The following PLD5 variants were observed in gnomAD, a reference collection of about 807,000 sequenced individuals.
The protein encoded by PLD5 is phospholipase D family member 5, also known as inactive phospholipase D5.
A neutral mutation model predicts 61.1 loss-of-function variants in PLD5; 36 were observed. The ratio of observed to expected loss-of-function variants is 0.59; its 90% CI spans 0.45 to 0.78. PLD5 has a LOEUF of 0.78. PLD5 is among the 30% of genes least tolerant of loss of function. PLD5 has a pLI of 0.00. For synonymous variants in PLD5, 243 were observed against 242.8 expected, an observed-to-expected ratio of 1.00 and a Z score of -0.01; for missense variants, 515 against 644.4, an observed-to-expected ratio of 0.80 and a Z score of 2.17.
At chr1:242,400,927 A>G (rs943819343) in intron 1 of PLD5, among the ~76,000 whole-genome samples, 3 of 152,190 alleles carry the variant, frequency 2.0e-5, no homozygotes, top group Non-Finnish European at 2.9e-5. Flanking sequence ...AGCTTTAAGT[A>G]TCACCCACAT....
rs1665815416 is a variant in PLD5, at chr1:242,433,236, T to C, written c.190-84994A>G. 2.0e-5 allele frequency among the ~76,000 whole-genome samples: 3 copies of C among 152,328 alleles called. No individual in the cohort carries two copies. The South Asian group carries it at 6.2e-4, about 32-fold the overall frequency. ...GTAAAATTTTCTTAAAATTGTTCAG[T>C]TGGTTTGTTTTGGGGGAAGATGTTC... On this transcript the variant is annotated intron_variant, in intron 1 of 9. Transcript: ENST00000536534.
At chr1:242,381,293 C>T (rs1662261223) in intron 1 of PLD5, among the ~76,000 whole-genome samples, 1 of 152,098 alleles carries the variant, frequency 6.6e-6, no homozygotes. Flanking sequence ...CAAACTAACT[C>T]AGGAAAAGAA....
chr1:242,317,330 C>T (rs1458347558), intron 2 of PLD5, among the ~76,000 whole-genome samples: 1 of 152,162 alleles, frequency 6.6e-6, no homozygotes, highest in Non-Finnish European at 1.5e-5. Context: ...TATTGATGAA[C>T]ATTTAGGTTG....
intron 4 of PLD5, among the ~76,000 whole-genome samples, chr1:242,262,695 G>A (rs767048559): frequency 9.9e-5 from 15 of 152,120 alleles, no homozygotes; most frequent in South Asian, 6.2e-4. Flanking sequence ...TAGATGTGGC[G>A]TACGAGAGCG....
intron 5 of PLD5, among the ~76,000 whole-genome samples, chr1:242,179,816 T>C (rs1400699253): frequency 1.3e-5 from 2 of 152,148 alleles, no homozygotes; most frequent in African/African-American, 4.8e-5. Flanking sequence ...GGTAGGAGAA[T>C]TGCTTGAAGC....
intron 1 of PLD5, among the ~76,000 whole-genome samples, chr1:242,391,313 T>C (rs1172943043): frequency 6.6e-6 from 1 of 152,204 alleles, no homozygotes; most frequent in Non-Finnish European, 1.5e-5. Flanking sequence ...TGGGAGTTCA[T>C]TACAATACAG....
chr1:242,280,690 T>A (rs1674673555), intron 3 of PLD5, among the ~76,000 whole-genome samples: 1 of 152,218 alleles, frequency 6.6e-6, no homozygotes, highest in Non-Finnish European at 1.5e-5. Flanking sequence ...CCAATCTTTT[T>A]CCAGGCAAAA....
intron 5 of PLD5, among the ~76,000 whole-genome samples, 154 bp downstream of exon 5, chr1:242,219,834 C>A (rs529636845): frequency 6.6e-6 from 1 of 151,390 alleles, no homozygotes; most frequent in Non-Finnish European, 1.5e-5. Context: ...AAGGTTTATC[C>A]TTTCACATAA....
At chr1:242,447,271 A>G (rs987822568) in intron 1 of PLD5, among the ~76,000 whole-genome samples, 55 of 152,242 alleles carry the variant, frequency 3.6e-4, no homozygotes, top group African/African-American at 1.3e-3. Flanking sequence ...TATTTGGTAT[A>G]ACATCTAGCA....
chr1:242,486,327 G>T (rs1405664180), intron 1 of PLD5, among the ~76,000 whole-genome samples: 1 of 152,078 alleles, frequency 6.6e-6, no homozygotes, highest in Non-Finnish European at 1.5e-5. Context: ...CTGACAAAGG[G>T]CTAATATCCA....
intron 1 of PLD5, among the ~76,000 whole-genome samples, chr1:242,397,461 A>T (rs1663658549): frequency 6.6e-6 from 1 of 151,718 alleles, no homozygotes; most frequent in Non-Finnish European, 1.5e-5. Context: ...CCTAATCACC[A>T]TTATTAGAGA....
chr1:242,415,799 G>C (rs1664806282), intron 1 of PLD5, among the ~76,000 whole-genome samples: 1 of 152,142 alleles, frequency 6.6e-6, no homozygotes, highest in African/African-American at 2.4e-5. Flanking sequence ...ATGAGCCACT[G>C]CGCTGGGCCA....
chr1:242,177,541 GTA>G (rs1667243554), intron 5 of PLD5, among the ~76,000 whole-genome samples: 1 of 152,082 alleles, frequency 6.6e-6, no homozygotes, highest in African/African-American at 2.4e-5. Context: ...TTTTGTACAT[GTA>G]CCCTAGAACT....
Position 242,159,676 on chromosome 1 carries a change from C to A in PLD5, c.736-35011G>T, listed in dbSNP as rs918369584. Among the ~76,000 whole-genome samples, 93 of 152,178 alleles carry A rather than the reference C, an allele frequency of 6.1e-4. 1 individual carries two copies. The highest frequency in any genetic ancestry group is 2.2e-3 in the African/African-American group (92 of 41,524). On this transcript the variant is annotated intron_variant, in intron 5 of 9. Coordinates refer to ENST00000536534, the MANE Select transcript of PLD5 (RefSeq NM_001372062.1). ...GGGTTGGAGGGCTTTCCGTGTCCTT[C>A]CCCCAGCTTCAATGGGTTTCTACCA...
At chr1:242,514,016 T>G (rs1669020623) in intron 1 of PLD5, among the ~76,000 whole-genome samples, 1 of 152,224 alleles carries the variant, frequency 6.6e-6, no homozygotes, top group African/African-American at 2.4e-5. Context: ...CTAAAAAAGA[T>G]GCTACACTGG....
At chr1:242,517,998 T>C (rs1669159913) in intron 1 of PLD5, among the ~76,000 whole-genome samples, 1 of 152,114 alleles carries the variant, frequency 6.6e-6, no homozygotes, top group African/African-American at 2.4e-5. Flanking sequence ...ATAGCTCAAG[T>C]CAGTGAAACA....
chr1:242,167,067 CAATAATAATAGTAAT>C (rs57991451), intron 5 of PLD5, among the ~76,000 whole-genome samples: 1,997 of 55,228 alleles, frequency 0.036, 31 homozygotes, highest in African/African-American at 0.092. Flanking sequence ...GAGTGAGAGA[CAATAATAATAGTAAT>C]AATAATAATA....
At chr1:242,445,392 A>G (rs550170985) in intron 1 of PLD5, among the ~76,000 whole-genome samples, 6 of 152,140 alleles carry the variant, frequency 3.9e-5, no homozygotes, top group Non-Finnish European at 7.3e-5. Context: ...TCCAGGCTGG[A>G]GTGCAGTGGT....
chr1:242,433,451 C>T (rs185370881), intron 1 of PLD5, among the ~76,000 whole-genome samples: 17 of 152,286 alleles, frequency 1.1e-4, no homozygotes, highest in Non-Finnish European at 2.4e-4. Flanking sequence ...TATGCAAATA[C>T]AGCAATCTAA....
Sources: gnomAD v4.1 joint callset for allele counts (sites outside exome capture counted in the v4.1 genomes callset) on GRCh38, gnomAD v4.1.1 for gene constraint, MANE v1.5 for transcripts, NCBI Gene and HGNC (gene_info 2026-07-23, HGNC 2026-07-21) for gene names.